Variants in PCNT observed in about 807,000 individuals in gnomAD.
The protein encoded by PCNT is pericentrin, also known as kendrin.
Under a neutral mutation model 380.4 loss-of-function variants are expected in PCNT, and 319 were observed. That is an observed-to-expected ratio of 0.84 (90% CI 0.77 to 0.92). PCNT has a LOEUF of 0.92. Ranked by LOEUF, PCNT falls within the 40% of genes least tolerant of loss-of-function variation. The probability of loss-of-function intolerance (pLI) is 0.00; values close to 1 mark genes in which losing one functional copy is unlikely to be tolerated. For synonymous variants in PCNT, 1,845 were observed against 1,735.2 expected (o/e 1.06, Z -1.57); for missense variants, 4,400 against 4,255.3 (o/e 1.03, Z -0.95).
chr21:46,333,628 C>T (rs62224211), intron 2 of PCNT, among the ~76,000 whole-genome samples: 2,579 of 151,136 alleles, frequency 0.017, 29 homozygotes, highest in Non-Finnish European at 0.027. Flanking sequence ...AGGCTGGGCA[C>T]GGTTACTCAC....
At position 46,442,562 on chromosome 21, in the gene PCNT, C is replaced by T. The variant is rs761650992; in HGVS notation, c.9689C>T (p.Ala3230Val). The change falls in exon 44 of 47, where the codon GCC (alanine) becomes GTC (valine). Residue 3230 changes from alanine to valine, a missense_variant. Physicochemically the swap from Ala to Val is moderately conservative, Grantham distance 64 (BLOSUM62 0). Transcript: ENST00000359568. ...AAAGGAGCTCTGGCACAAGGCAAAG[C>T]CCCTCGCCCAGGTGGGACTCCAGCT... Reference protein sequence around the residue: ...DRKGALAQGKAPRPGPRARQP... With the variant: ...DRKGALAQGKVPRPGPRARQP... 1.9e-6 allele frequency: 3 copies of T among 1,608,036 alleles called. No individual in the cohort carries two copies. Among genetic ancestry groups the T allele is most frequent in the African/African-American group, 2.7e-5 (2 of 74,734 alleles).
intron 10 of PCNT, among the ~76,000 whole-genome samples, 157 bp downstream of exon 10, chr21:46,353,483 C>T (rs2084350117): frequency 6.6e-6 from 1 of 152,284 alleles, no homozygotes; most frequent in East Asian, 1.9e-4. Flanking sequence ...GACACAGGCA[C>T]GGGCACCCGA....
In PCNT at chr21:46,334,022, T is replaced by C. The variant is rs373893623; in HGVS notation, c.268-375T>C. Among the ~76,000 whole-genome samples the C allele has an allele frequency of 1.9e-3, 290 of 151,958 alleles. 1 individual carries two copies. The highest frequency in any genetic ancestry group is 4.7e-3 in the East Asian group (24 of 5,144). On this transcript the variant is annotated intron_variant, in intron 2 of 46. Transcript: ENST00000359568. Reference sequence around the variant, plus strand: ...GAGATCAAGACCATCTTGGCTAACATGGTGAAACCCTGTCTCTACTAAAAA... The same window carrying C: ...GAGATCAAGACCATCTTGGCTAACACGGTGAAACCCTGTCTCTACTAAAAA...
chr21:46,370,319 C>T (rs1320291522), intron 15 of PCNT, among the ~76,000 whole-genome samples: 6 of 151,962 alleles, frequency 3.9e-5, no homozygotes, highest in East Asian at 1.9e-4. Context: ...GTCTGTGGCG[C>T]GACCAGATCT....
In PCNT at chr21:46,431,902, A is replaced by AG; in HGVS notation, c.8439dup (p.Gln2814AlafsTer10). On this transcript the variant is annotated frameshift_variant, in exon 38 of 47. Coordinates refer to ENST00000359568, the MANE Select transcript of PCNT (RefSeq NM_006031.6). LOFTEE classifies it high-confidence loss of function. ...CAAGCGATGCTTGAAAAGGTGCAGC[A>AG]GCAAGCCCTGCATTCTCAGCAGCAG... 6.2e-7 allele frequency: 1 copy of AG among 1,614,138 alleles called. No homozygotes were observed. The highest frequency in any genetic ancestry group is 8.5e-7 in the Non-Finnish European group (1 of 1,180,046).
chr21:46,410,193 G>C (rs1290561389), intron 27 of PCNT, among the ~76,000 whole-genome samples: 1 of 152,122 alleles, frequency 6.6e-6, no homozygotes, highest in Admixed American at 6.5e-5. Flanking sequence ...CTGGGAGGCT[G>C]CTTTTGCTAA....
At chr21:46,353,841 G>A (rs2084372116) in intron 10 of PCNT, 146 bp from the exon 11 acceptor site, 5 of 721,312 alleles carry the variant, frequency 6.9e-6, no homozygotes, top group South Asian at 1.5e-5. Context: ...TGACTGCCAC[G>A]GCTCCCCGCA....
At chr21:46,415,528 G>A (rs1337097738) in intron 29 of PCNT, among the ~76,000 whole-genome samples, 2 of 151,988 alleles carry the variant, frequency 1.3e-5, no homozygotes, top group African/African-American at 2.4e-5. Flanking sequence ...AGGATTACAG[G>A]CACCCGCCAC....
At chr21:46,337,235 C>A (rs1252420928) in intron 3 of PCNT, among the ~76,000 whole-genome samples, 1 of 152,154 alleles carries the variant, frequency 6.6e-6, no homozygotes, top group Non-Finnish European at 1.5e-5. Flanking sequence ...CCTCAACCCC[C>A]CAAAGTGCTG....
At position 46,363,865 on chromosome 21, in the gene PCNT, A is replaced by G; in HGVS notation, c.2540A>G (p.Gln847Arg). The change falls in exon 14 of 47, where the codon CAG becomes CGG. Residue 847 changes from glutamine to arginine, a missense_variant. Coordinates refer to ENST00000359568, the MANE Select transcript of PCNT (RefSeq NM_006031.6). ...TGTGGGCGGGAGCCGCCCACAGCCC[A>G]GGACGGGGAGCTTGCTGCGCTCCAC... is the stretch of plus-strand genomic sequence containing the variant. ...SQCGREPPTA[Q>R]DGELAALHVK... is the part of the protein sequence containing the mutation. 3 of 1,612,436 alleles carry G rather than the reference A, an allele frequency of 1.9e-6. No homozygotes were observed. The highest frequency in any genetic ancestry group is 2.5e-6 in the Non-Finnish European group (3 of 1,179,426).
chr21:46,403,731 TAG>T (rs567037301), intron 27 of PCNT, among the ~76,000 whole-genome samples: 22 of 122,666 alleles, frequency 1.8e-4, no homozygotes, highest in Admixed American at 3.5e-4. Context: ...CGTGGGAGAA[TAG>T]TGTGTGTTTG....
chr21:46,344,552 C>A (rs1476001213), intron 3 of PCNT, among the ~76,000 whole-genome samples: 1 of 152,224 alleles, frequency 6.6e-6, no homozygotes, highest in Non-Finnish European at 1.5e-5. Flanking sequence ...CATCCCTAGC[C>A]AGTTCCCCAG....
In PCNT at chr21:46,431,651, C is replaced by T. The variant is rs763944158; in HGVS notation, c.8187C>T (p.Cys2729=). ...AGCTGCGTATCGAGCACTCACGCTGCGAGGCCTTGCTGGCTCAGGAGCGGA... is the reference window on the plus strand; with the variant it reads ...AGCTGCGTATCGAGCACTCACGCTGTGAGGCCTTGCTGGCTCAGGAGCGGA... ...QKELRIEHSR[C]EALLAQERSQ... The change falls in exon 38 of 47, where the codon TGC becomes TGT. Residue 2729 remains cysteine, a synonymous_variant. Coordinates refer to ENST00000359568, the MANE Select transcript of PCNT (RefSeq NM_006031.6). 8.1e-6 allele frequency: 13 copies of T among 1,613,630 alleles called. No individual in the cohort carries two copies. In the African/African-American group the frequency reaches 1.2e-4, roughly 15 times the overall value.
In PCNT at chr21:46,374,270, G is replaced by A. The variant is rs529944653; in HGVS notation, c.3165+7131G>A. 5.9e-5 allele frequency among the ~76,000 whole-genome samples: 9 copies of A among 152,264 alleles called. No individual in the cohort carries two copies. In the South Asian group the frequency reaches 1.7e-3, roughly 28 times the overall value. On this transcript the variant is annotated intron_variant, in intron 15 of 46. Coordinates refer to ENST00000359568, the MANE Select transcript of PCNT (RefSeq NM_006031.6). ...TAGAAGCAAATCCAAGACACCATGT[G>A]TCTGCGAGTGAGGTGTTTTCCCCCA...
rs2084434969 is a variant in PCNT at position 46,355,392 on chromosome 21, T to C, written c.1762-60T>C. On this transcript the variant is annotated intron_variant, in intron 11 of 46. Transcript: ENST00000359568. ...TAGCAGGAAACACCTTTGAGGGTTA[T>C]AGCTGCGAGCGAGGTAGCTTGGCTC... 2.6e-6 allele frequency: 4 copies of C among 1,550,670 alleles called. No homozygotes were observed. The East Asian group carries it at 6.7e-5, about 26-fold the overall frequency.
In PCNT at chr21:46,366,583, G is replaced by A; in HGVS notation, c.2610-1G>A. On this transcript the variant is annotated splice_acceptor_variant, in intron 14 of 46. Coordinates refer to ENST00000359568, the MANE Select transcript of PCNT (RefSeq NM_006031.6). LOFTEE classifies it high-confidence loss of function. ...GTCCTGTGTTCACTTTGTTGCCGCA[G>A]GTTTTTAGAGGAACGTAAAGAGATC... is the stretch of plus-strand genomic sequence containing the variant. 6.2e-7 allele frequency: 1 copy of A among 1,613,790 alleles called. No individual in the cohort carries two copies. The highest frequency in any genetic ancestry group is 8.5e-7 in the Non-Finnish European group (1 of 1,179,728).
intron 3 of PCNT, among the ~76,000 whole-genome samples, chr21:46,337,705 C>T (rs892422414): frequency 7.9e-5 from 12 of 152,344 alleles, no homozygotes; most frequent in Admixed American, 3.3e-4. Context: ...ACCTCAGCCT[C>T]CCGAGTTGCT....
At chr21:46,396,473 G>T (rs1326486328) in intron 21 of PCNT, among the ~76,000 whole-genome samples, 1 of 152,240 alleles carries the variant, frequency 6.6e-6, no homozygotes, top group East Asian at 1.9e-4. Context: ...CATTAAAACT[G>T]CTGTGAGGGT....
At chr21:46,407,701 A>G (rs2086661124) in intron 27 of PCNT, among the ~76,000 whole-genome samples, 1 of 152,188 alleles carries the variant, frequency 6.6e-6, no homozygotes. Context: ...TTGCCATTGA[A>G]TATCTGCAGG....
Sources: allele counts gnomAD v4.1 joint callset (sites outside exome capture counted in the v4.1 genomes callset), GRCh38; gene constraint gnomAD v4.1.1; transcripts MANE v1.5; gene names NCBI Gene and HGNC (gene_info 2026-07-23, HGNC 2026-07-21).